Variants in XRCC5 observed in about 807,000 individuals in gnomAD.
XRCC5 encodes DNA repair protein Ku80.
Under a neutral mutation model 95.7 loss-of-function variants are expected in XRCC5, and 12 were observed. The observed-to-expected ratio is 0.13, with a 90% CI of 0.08 to 0.20. The LOEUF is 0.20. XRCC5 is among the 10% of genes least tolerant of loss of function. The pLI is 1.00. For missense variants in XRCC5, 595 were observed against 873.9 expected, an observed-to-expected ratio of 0.68 and a Z score of 4.02; for synonymous variants, 281 against 290.3, an observed-to-expected ratio of 0.97 and a Z score of 0.33.
At chr2:216,183,983 CTT>C (rs1181550498) in intron 16 of XRCC5, among the ~76,000 whole-genome samples, 3 of 151,424 alleles carry the variant, frequency 2.0e-5, no homozygotes, top group Non-Finnish European at 4.4e-5. Flanking sequence ...AGTCCGAACT[CTT>C]TTAGAAGTGG....
intron 19 of XRCC5, among the ~76,000 whole-genome samples, chr2:216,202,999 A>G (rs1689868541): frequency 6.6e-6 from 1 of 152,166 alleles, no homozygotes; most frequent in Admixed American, 6.5e-5. Flanking sequence ...ATTTTAGTTT[A>G]TTTATAGGTC....
intron 16 of XRCC5, chr2:216,175,557 G>A: frequency 5.0e-6 from 2 of 403,362 alleles, no homozygotes; most frequent in South Asian, 3.9e-5. Context: ...TTTCCACTCT[G>A]TCATCCATAA....
intron 16 of XRCC5, among the ~76,000 whole-genome samples, chr2:216,189,476 T>C (rs1353746850): frequency 1.3e-5 from 2 of 152,234 alleles, no homozygotes; most frequent in Non-Finnish European, 2.9e-5. Flanking sequence ...TTATTCATAC[T>C]GAAGAATTTT....
chr2:216,172,465 T>TTTCC (rs1453072198), intron 16 of XRCC5, among the ~76,000 whole-genome samples: 1 of 118,038 alleles, frequency 8.5e-6, no homozygotes, highest in African/African-American at 3.8e-5. Flanking sequence ...TCAGCTTTTC[T>TTTCC]TTTCTTTTTT....
chr2:216,190,199 A>G (rs1689589195), intron 16 of XRCC5, 26 bp from the exon 17 acceptor site: 10 of 1,603,270 alleles, frequency 6.2e-6, no homozygotes, highest in Non-Finnish European at 8.5e-6. Context: ...CTCAAATCTA[A>G]GAAAATTTGT....
At chr2:216,119,750 A>G (rs1321307495) in intron 5 of XRCC5, among the ~76,000 whole-genome samples, 2 of 152,222 alleles carry the variant, frequency 1.3e-5, no homozygotes, top group African/African-American at 4.8e-5. Flanking sequence ...GTATTTCACA[A>G]TTTATTAGGG....
chr2:216,156,520 C>T (rs927868902), intron 14 of XRCC5: 6 of 613,668 alleles, frequency 9.8e-6, no homozygotes, highest in Non-Finnish European at 1.6e-5. Flanking sequence ...ACAAGACTTC[C>T]TCCATCACTT....
At chr2:216,170,100 C>A (rs1250622509) in intron 16 of XRCC5, among the ~76,000 whole-genome samples, 3 of 138,590 alleles carry the variant, frequency 2.2e-5, no homozygotes, top group Non-Finnish European at 4.7e-5. Flanking sequence ...CGTGTCATGA[C>A]CAAAAACTCA....
At chr2:216,186,762 A>T (rs560429540) in intron 16 of XRCC5, among the ~76,000 whole-genome samples, 1 of 152,340 alleles carries the variant, frequency 6.6e-6, no homozygotes, top group African/African-American at 2.4e-5. Context: ...TTGAAGACTG[A>T]TAAGCCATTC....
At chr2:216,166,382 A>G (rs1352113026) in intron 16 of XRCC5, among the ~76,000 whole-genome samples, 2 of 152,226 alleles carry the variant, frequency 1.3e-5, no homozygotes, top group African/African-American at 4.8e-5. Flanking sequence ...TTGGCCTCCC[A>G]AAGTGCTGGG....
intron 6 of XRCC5, among the ~76,000 whole-genome samples, chr2:216,125,180 G>T (rs1321472920): frequency 1.3e-5 from 2 of 150,190 alleles, no homozygotes; most frequent in Non-Finnish European, 3.0e-5. Flanking sequence ...TAGAACAGAG[G>T]TTCTTTTTTT....
chr2:216,116,787 T>G lies in XRCC5; in HGVS notation c.264T>G (p.Phe88Leu). The stretch of plus-strand genomic sequence containing the variant: ...ACAGACATCTGATGCTACCAGATTT[T>G]GATTTGCTGGAGGACATTGAAAGCA... ...TVHRHLMLPDFDLLEDIESKI... is the reference protein window; with the variant it reads ...TVHRHLMLPDLDLLEDIESKI... Residue 88 changes from phenylalanine (F) to leucine (L), a missense_variant, in exon 3 of 21, where the codon TTT becomes TTG. Coordinates refer to ENST00000392132, the MANE Select transcript of XRCC5 (RefSeq NM_021141.4). 1.2e-6 allele frequency: 2 copies of G among 1,614,224 alleles called. No individual in the cohort carries two copies. Among genetic ancestry groups the G allele is most frequent in the Non-Finnish European group, 1.7e-6 (2 of 1,180,032 alleles).
At chr2:216,172,851 A>C (rs1689195003) in intron 16 of XRCC5, among the ~76,000 whole-genome samples, 1 of 152,118 alleles carries the variant, frequency 6.6e-6, no homozygotes, top group South Asian at 2.1e-4. Flanking sequence ...GAAAATTGCC[A>C]TTTTAATAAT....
At chr2:216,163,827 C>A (rs756873757) in intron 16 of XRCC5, among the ~76,000 whole-genome samples, 1 of 152,198 alleles carries the variant, frequency 6.6e-6, no homozygotes, top group Admixed American at 6.5e-5. Flanking sequence ...AGAGGAAGAA[C>A]AGCTTCGTTA....
At position 216,109,569 on chromosome 2, in the gene XRCC5, GATC is replaced by G; in HGVS notation, c.21+115_21+117del. The G allele has an allele frequency of 2.0e-6, 3 of 1,484,200 alleles. No homozygotes were observed. In the South Asian group the frequency reaches 3.6e-5, roughly 18 times the overall value. The allele number at this position is 1,484,200 out of a possible 1,614,324, so 91.9% of individuals were successfully genotyped here. On this transcript the variant is annotated intron_variant, in intron 1 of 20. Coordinates refer to ENST00000392132, the MANE Select transcript of XRCC5 (RefSeq NM_021141.4). ...CAAGACAAAGAATGGGGCAAGAGAA[GATC>G]ATGGTGGTGGGCTCAGTCAGGAGGG...
At chr2:216,120,183 T>C (rs1696779647) in intron 5 of XRCC5, among the ~76,000 whole-genome samples, 1 of 152,222 alleles carries the variant, frequency 6.6e-6, no homozygotes, top group African/African-American at 2.4e-5. Flanking sequence ...AGAAATTAAG[T>C]GCTTTTAAGT....
chr2:216,122,279 A>G (rs367573728), intron 6 of XRCC5, 26 bp downstream of exon 6: 192 of 1,575,718 alleles, frequency 1.2e-4, no homozygotes, highest in Non-Finnish European at 1.6e-4. Context: ...ATTGATGGGA[A>G]TTTTTAATTG....
chr2:216,170,037 CAAAAAAAAAAAAA>C (rs71047982), intron 16 of XRCC5, among the ~76,000 whole-genome samples: 24 of 53,602 alleles, frequency 4.5e-4, no homozygotes, highest in Admixed American at 2.1e-3. Context: ...GACTGTGTCT[CAAAAAAAAAAAAA>C]AAAAAAAAAA....
Position 216,180,344 on chromosome 2 carries a change from G to A in XRCC5, c.1835-9881G>A, listed in dbSNP as rs144336343. On this transcript the variant is annotated intron_variant, in intron 16 of 20. Coordinates refer to ENST00000392132, the MANE Select transcript of XRCC5 (RefSeq NM_021141.4). ...TACTTTGAAGAATAATTCGTGGAGG[G>A]GCCGGGTACAGTGGTTCACGCCTGT... 5.2e-4 allele frequency among the ~76,000 whole-genome samples: 79 copies of A among 152,320 alleles called. 1 individual carries two copies. The East Asian group carries it at 0.015, about 28-fold the overall frequency.
Sources: gnomAD v4.1 joint callset for allele counts (sites outside exome capture counted in the v4.1 genomes callset) on GRCh38, gnomAD v4.1.1 for gene constraint, MANE v1.5 for transcripts, NCBI Gene and HGNC (gene_info 2026-07-23, HGNC 2026-07-21) for gene names.